ATP6V1E2: variants seen among roughly 807,000 people sequenced by gnomAD.
ATP6V1E2 encodes ATPase H+ transporting V1 subunit E2.
For synonymous variants in ATP6V1E2, 121 were observed against 104.2 expected (o/e 1.16, Z -0.98); for missense variants, 308 against 273.3 (o/e 1.13, Z -0.90).
chr2:46,519,272 C>T (rs916326031), intron 4 of ATP6V1E2: 1 of 152,198 alleles, frequency 6.6e-6, no homozygotes, highest in Non-Finnish European at 1.5e-5. Context: ...TGCATGGTGA[C>T]CCAGGCAGCC....
intron 2 of ATP6V1E2, among the ~76,000 whole-genome samples, chr2:46,537,892 G>T (rs1458466746): frequency 6.6e-6 from 1 of 152,014 alleles, no homozygotes; most frequent in Non-Finnish European, 1.5e-5. Flanking sequence ...GCGTGGTTAG[G>T]AAACAATCGG....
chr2:46,516,297 T>C (rs1379829336), intron 4 of ATP6V1E2, among the ~76,000 whole-genome samples: 2 of 152,200 alleles, frequency 1.3e-5, no homozygotes, highest in Admixed American at 1.3e-4. Context: ...CGAATCTCAA[T>C]AAATTTAAGA....
At chr2:46,538,562 G>C (rs990478750) in intron 2 of ATP6V1E2, among the ~76,000 whole-genome samples, 17 of 152,014 alleles carry the variant, frequency 1.1e-4, no homozygotes, top group Non-Finnish European at 2.2e-4. Context: ...ACAGGATCTC[G>C]GGGGTGATGC....
intron 4 of ATP6V1E2, among the ~76,000 whole-genome samples, chr2:46,526,273 G>A (rs913277019): frequency 1.3e-5 from 2 of 151,970 alleles, no homozygotes; most frequent in African/African-American, 2.4e-5. Flanking sequence ...GCATCACCAT[G>A]CCTGGCTAAT....
Position 46,512,259 on chromosome 2 carries a change from G to T in ATP6V1E2, c.453C>A (p.Ala151=). The stretch of plus-strand genomic sequence containing the variant: ...GGGAAATTGTCATGTACTCGGGGAT[G>T]GCTTTTTGTACAGCAGCCTCCACCA... ...LLLVEAAVQK[A]IPEYMTISQK... is the part of the protein sequence containing the mutation. The change falls in exon 5 of 5, where the codon GCC becomes GCA. Residue 151 remains alanine (A), a synonymous_variant. Coordinates refer to ENST00000522587, the MANE Select transcript of ATP6V1E2 (RefSeq NM_001318063.2). 1 of 1,613,408 alleles carries T rather than the reference G, an allele frequency of 6.2e-7. No individual in the cohort carries two copies. Among genetic ancestry groups the T allele is most frequent in the Non-Finnish European group, 8.5e-7 (1 of 1,179,574 alleles).
At chr2:46,518,469 ATT>A (rs1666405772) in intron 4 of ATP6V1E2, among the ~76,000 whole-genome samples, 1 of 141,600 alleles carries the variant, frequency 7.1e-6, no homozygotes, top group African/African-American at 2.7e-5. Flanking sequence ...ACTCTTAAAC[ATT>A]TGTTACACAC....
intron 4 of ATP6V1E2, chr2:46,519,694 A>G (rs900996951): frequency 2.0e-5 from 3 of 152,234 alleles, no homozygotes; most frequent in African/African-American, 4.8e-5. Flanking sequence ...TGTAAGGATT[A>G]AATGAAAGAA....
In ATP6V1E2 at chr2:46,530,864, GC is replaced by G. The variant is rs1019920012; in HGVS notation, c.-102+4948del. 2.6e-5 allele frequency among the ~76,000 whole-genome samples: 4 copies of G among 152,110 alleles called. No individual in the cohort carries two copies. The highest frequency in any genetic ancestry group is 9.7e-5 in the African/African-American group (4 of 41,398). On this transcript the variant is annotated intron_variant, in intron 4 of 4. Transcript: ENST00000522587. The surrounding 1 kb of genome is among the most constrained non-coding windows in gnomAD (Gnocchi z 5.2). Reference sequence around the variant, plus strand: ...GATCTCATGAGACTTATTCACTAGCGCAAGAACAGCACAGGAAAAACCCAAG... The same window carrying G: ...GATCTCATGAGACTTATTCACTAGCGAAGAACAGCACAGGAAAAACCCAAG...
chr2:46,520,195 G>T (rs1361206962), intron 4 of ATP6V1E2, among the ~76,000 whole-genome samples: 1 of 152,212 alleles, frequency 6.6e-6, no homozygotes, highest in African/African-American at 2.4e-5. Flanking sequence ...GCAGGGCAGG[G>T]CAGGGTTAAA....
intron 4 of ATP6V1E2, among the ~76,000 whole-genome samples, chr2:46,525,487 AAAG>A (rs1475147673): frequency 0.018 from 2,747 of 149,346 alleles, 30 homozygotes; most frequent in Middle Eastern, 0.025. Flanking sequence ...GAAAAAAAAA[AAAG>A]AAAGCAGGGA....
intron 2 of ATP6V1E2, among the ~76,000 whole-genome samples, chr2:46,537,795 G>C (rs34495191): frequency 6.6e-6 from 1 of 151,810 alleles, no homozygotes; most frequent in African/African-American, 2.4e-5. Flanking sequence ...CAGACATGAG[G>C]GAACACACAA....
At chr2:46,513,048 C>A (rs1439254364) in intron 4 of ATP6V1E2, among the ~76,000 whole-genome samples, 1 of 152,128 alleles carries the variant, frequency 6.6e-6, no homozygotes, top group Non-Finnish European at 1.5e-5. Context: ...TTAGGGCAGA[C>A]CTAGTCCAGA....
chr2:46,512,383 T>G lies in ATP6V1E2; in HGVS notation c.329A>C (p.Glu110Ala). 6.2e-7 allele frequency: 1 copy of G among 1,614,148 alleles called. No homozygotes were observed. The highest frequency in any genetic ancestry group is 8.5e-7 in the Non-Finnish European group (1 of 1,180,032). The stretch of plus-strand genomic sequence containing the variant: ...TTTATCCAGCAGCCCCTGGTAGACC[T>G]CTGGGTCCTCCACAATCCTGCTGAG... ...LRLSRIVEDPEVYQGLLDKLV... is the reference protein window; with the variant it reads ...LRLSRIVEDPAVYQGLLDKLV... The change falls in exon 5 of 5, where the codon GAG becomes GCG. Residue 110 changes from glutamate (E) to alanine (A), a missense_variant. Physicochemically the swap from Glu to Ala is moderately radical, Grantham distance 107 (BLOSUM62 -1). Coordinates refer to ENST00000522587, the MANE Select transcript of ATP6V1E2 (RefSeq NM_001318063.2).
At chr2:46,537,296 C>G (rs1667494942) in intron 2 of ATP6V1E2, 1 of 152,266 alleles carries the variant, frequency 6.6e-6, no homozygotes, top group Non-Finnish European at 1.5e-5. Flanking sequence ...ATAGTCCCAA[C>G]TCCTTGCCAT....
At chr2:46,534,171 G>A (rs146564127) in intron 4 of ATP6V1E2, 2 of 152,204 alleles carry the variant, frequency 1.3e-5, no homozygotes, top group East Asian at 3.9e-4. Flanking sequence ...AATCCTTTTC[G>A]AGGACTCCAG....
In ATP6V1E2 at chr2:46,522,661, T is replaced by A. The variant is rs548007707; in HGVS notation, c.-101-9849A>T. 1.8e-3 allele frequency among the ~76,000 whole-genome samples: 280 copies of A among 152,366 alleles called. 9 individuals are homozygous for A. In the South Asian group the frequency reaches 0.055, roughly 30 times the overall value. On this transcript the variant is annotated intron_variant, in intron 4 of 4. Coordinates refer to ENST00000522587, the MANE Select transcript of ATP6V1E2 (RefSeq NM_001318063.2). ...TATCACTGATGGGCATTTGGGTTGG[T>A]TCCAAGTCTTTGCTTTATAATTAGT...
At chr2:46,534,386 T>G (rs1352853976) in intron 4 of ATP6V1E2, 3 of 152,208 alleles carry the variant, frequency 2.0e-5, no homozygotes, top group African/African-American at 4.8e-5. Context: ...GAAGTTCCAT[T>G]TGGTTATTTT....
At chr2:46,519,442 C>CA (rs963277140) in intron 4 of ATP6V1E2, 1 of 152,212 alleles carries the variant, frequency 6.6e-6, no homozygotes, top group African/African-American at 2.4e-5. Flanking sequence ...GAGCCACACC[C>CA]ACAACAGGGG....
rs10546147 is a variant in ATP6V1E2 at position 46,518,490 on chromosome 2, AACACAC to A, written c.-101-5684_-101-5679del. Among the ~76,000 whole-genome samples, 716 of 140,734 alleles carry A rather than the reference AACACAC, an allele frequency of 5.1e-3. 8 individuals are homozygous for A. The highest frequency in any genetic ancestry group is 0.018 in the East Asian group (87 of 4,824). 92.3% of individuals were successfully genotyped at this position (140,734 alleles called of 152,430 possible). ...AAACATTTGTTACACACACACACACAACACACACACACACACACACACACACACACA... is the reference window on the plus strand; with the variant it reads ...AAACATTTGTTACACACACACACACAACACACACACACACACACACACACA... On this transcript the variant is annotated intron_variant, in intron 4 of 4. Coordinates refer to ENST00000522587, the MANE Select transcript of ATP6V1E2 (RefSeq NM_001318063.2).
Sources: allele counts gnomAD v4.1 joint callset (sites outside exome capture counted in the v4.1 genomes callset), GRCh38; gene constraint gnomAD v4.1.1; non-coding constraint Gnocchi (gnomAD v3.1); transcripts MANE v1.5; gene names NCBI Gene and HGNC (gene_info 2026-07-23, HGNC 2026-07-21).